The following GRM7 variants were observed in gnomAD, a reference collection of about 807,000 sequenced individuals.
GRM7 encodes the protein glutamate metabotropic receptor 7.
In GRM7, 35 loss-of-function variants were observed where a neutral mutation model predicts 84.5. The ratio of observed to expected loss-of-function variants is 0.41; its 90% confidence interval spans 0.32 to 0.55. The LOEUF is 0.55. GRM7 is among the 20% of genes least tolerant of loss of function. The pLI is 0.19. For synonymous variants in GRM7, 487 were observed against 455.1 expected (o/e 1.07, Z -0.89); for missense variants, 1,003 against 1,194.6 (o/e 0.84, Z 2.36).
In GRM7 at chr3:7,625,406, T is replaced by C. The variant is rs375693598; in HGVS notation, c.2451+46049T>C. ...TCGTACAGGGGATATATTTTTTTAA[T>C]GAAAAAATTTTACAAGCCCTTCTAC... On this transcript the variant is annotated intron_variant, in intron 8 of 9. Transcript: ENST00000357716. Among the ~76,000 whole-genome samples, 41 of 152,242 alleles carry C rather than the reference T, an allele frequency of 2.7e-4. 1 individual carries two copies. The highest frequency in any genetic ancestry group is 8.4e-4 in the African/African-American group (35 of 41,552).
At chr3:7,259,953 G>GTTTTTTTTTTTGTTTTT (rs1553638862) in intron 2 of GRM7, among the ~76,000 whole-genome samples, 6 of 89,660 alleles carry the variant, frequency 6.7e-5, no homozygotes, top group African/African-American at 3.5e-4. Flanking sequence ...ACCAGCATCT[G>GTTTTTTTTTTTGTTTTT]TTTTTTTTTT....
chr3:7,171,400 T>C (rs1694978255), intron 2 of GRM7, among the ~76,000 whole-genome samples: 1 of 152,140 alleles, frequency 6.6e-6, no homozygotes, highest in South Asian at 2.1e-4. Flanking sequence ...AAAGAGGCTA[T>C]CTCTAAATAA....
chr3:7,361,416 A>G (rs1340203542), intron 4 of GRM7, among the ~76,000 whole-genome samples: 2 of 152,126 alleles, frequency 1.3e-5, no homozygotes, highest in Non-Finnish European at 2.9e-5. Context: ...ATTGCAAACT[A>G]GTGTCCTCTT....
At chr3:6,881,147 T>C (rs1342022755) in intron 1 of GRM7, among the ~76,000 whole-genome samples, 1 of 152,150 alleles carries the variant, frequency 6.6e-6, no homozygotes, top group Non-Finnish European at 1.5e-5. Flanking sequence ...TAATTTTTAT[T>C]TTTAGTTCTG....
chr3:7,281,196 T>G (rs2124995703), intron 2 of GRM7, among the ~76,000 whole-genome samples: 1 of 152,326 alleles, frequency 6.6e-6, no homozygotes, highest in East Asian at 1.9e-4. Context: ...AAGTGTATGT[T>G]AAAATATCAT....
At position 6,917,909 on chromosome 3, in the gene GRM7, A is replaced by G. The variant is rs185704668; in HGVS notation, c.519+56002A>G. On this transcript the variant is annotated intron_variant, in intron 1 of 9. Coordinates refer to ENST00000357716, the MANE Select transcript of GRM7 (RefSeq NM_000844.4). ...TTTGACTATTCTTTACCTCTTCATTAAAGGGATCAATTTGGAATTATTATT... is the reference window on the plus strand; with the variant it reads ...TTTGACTATTCTTTACCTCTTCATTGAAGGGATCAATTTGGAATTATTATT... Among the ~76,000 whole-genome samples, 331 of 152,272 alleles carry G rather than the reference A, an allele frequency of 2.2e-3. 1 individual carries two copies. The highest frequency in any genetic ancestry group is 7.5e-3 in the African/African-American group (310 of 41,552).
At chr3:7,571,807 C>T (rs932873168) in intron 7 of GRM7, among the ~76,000 whole-genome samples, 9 of 152,072 alleles carry the variant, frequency 5.9e-5, no homozygotes, top group African/African-American at 2.2e-4. Flanking sequence ...CGAGACTTGG[C>T]AATTTATAAA....
intron 1 of GRM7, among the ~76,000 whole-genome samples, chr3:7,079,793 G>A (rs1006383039): frequency 6.6e-6 from 1 of 152,134 alleles, no homozygotes; most frequent in African/African-American, 2.4e-5. Flanking sequence ...TTTTAGTTAT[G>A]TTATTTAATG....
chr3:6,975,740 C>G (rs13099355), intron 1 of GRM7, among the ~76,000 whole-genome samples: 1 of 152,038 alleles, frequency 6.6e-6, no homozygotes, highest in Non-Finnish European at 1.5e-5. Context: ...TTAAGCCTGG[C>G]TGATCTGATT....
intron 2 of GRM7, among the ~76,000 whole-genome samples, chr3:7,250,761 T>A (rs1219417872): frequency 6.6e-6 from 1 of 152,134 alleles, no homozygotes; most frequent in East Asian, 1.9e-4. Context: ...TGACCTCAAG[T>A]GATCCACCCA....
At chr3:6,927,463 G>GAA (rs1553595156) in intron 1 of GRM7, among the ~76,000 whole-genome samples, 16 of 93,294 alleles carry the variant, frequency 1.7e-4, no homozygotes, top group African/African-American at 5.5e-4. Context: ...GAAAGAGAGA[G>GAA]AGAAAGAAAG....
At chr3:7,644,413 C>A (rs529129412) in intron 8 of GRM7, among the ~76,000 whole-genome samples, 97 of 152,262 alleles carry the variant, frequency 6.4e-4, no homozygotes, top group Non-Finnish European at 1.1e-3. Flanking sequence ...TTTAACGGCA[C>A]AGGCCTAATT....
At chr3:7,103,341 T>C (rs939220096) in intron 1 of GRM7, among the ~76,000 whole-genome samples, 1 of 151,698 alleles carries the variant, frequency 6.6e-6, no homozygotes, top group African/African-American at 2.4e-5. Flanking sequence ...CCTCTCTAAT[T>C]TGGTAGGAGT....
chr3:7,456,885 A>G (rs1165004771), intron 6 of GRM7, among the ~76,000 whole-genome samples: 1 of 152,068 alleles, frequency 6.6e-6, no homozygotes, highest in Non-Finnish European at 1.5e-5. Context: ...AGTGGGTCCT[A>G]TGTCACTTTA....
intron 4 of GRM7, among the ~76,000 whole-genome samples, chr3:7,338,036 G>C (rs562357631): frequency 6.6e-6 from 1 of 151,284 alleles, no homozygotes; most frequent in South Asian, 2.1e-4. Flanking sequence ...TAAAGAAAAT[G>C]TGGGATATAT....
chr3:6,954,432 C>G (rs1159976662), intron 1 of GRM7, among the ~76,000 whole-genome samples: 1 of 152,158 alleles, frequency 6.6e-6, no homozygotes, highest in Non-Finnish European at 1.5e-5. Flanking sequence ...TGCTAGCTGT[C>G]TGATTCTTCA....
chr3:7,246,989 G>C (rs754600014), intron 2 of GRM7, among the ~76,000 whole-genome samples: 8 of 152,000 alleles, frequency 5.3e-5, no homozygotes, highest in South Asian at 2.1e-4. Flanking sequence ...CACCACAGTA[G>C]AATTCAGAAA....
At chr3:7,670,102 G>A (rs1049809706) in intron 8 of GRM7, among the ~76,000 whole-genome samples, 1 of 152,190 alleles carries the variant, frequency 6.6e-6, no homozygotes, top group African/African-American at 2.4e-5. Context: ...ACCTAGATGT[G>A]CTTCAGTGTG....
chr3:7,546,144 C>T (rs556602770), intron 7 of GRM7, among the ~76,000 whole-genome samples: 44 of 152,164 alleles, frequency 2.9e-4, no homozygotes, highest in East Asian at 2.5e-3. Flanking sequence ...ATTCAGAAAA[C>T]GGTAAAATGA....
Sources: gnomAD v4.1 joint callset for allele counts (sites outside exome capture counted in the v4.1 genomes callset) on GRCh38, gnomAD v4.1.1 for gene constraint, MANE v1.5 for transcripts, NCBI Gene and HGNC (gene_info 2026-07-23, HGNC 2026-07-21) for gene names.